The following ARAP3 variants were observed in gnomAD, a reference collection of about 807,000 sequenced individuals.
ARAP3 encodes the protein ArfGAP with RhoGAP domain, ankyrin repeat and PH domain 3, also known as arf-GAP with Rho-GAP domain, ANK repeat and PH domain-containing protein 3.
A neutral mutation model predicts 169.2 loss-of-function variants in ARAP3; 82 were observed. The ratio of observed to expected loss-of-function variants is 0.48; its 90% CI spans 0.41 to 0.58. The LOEUF (loss-of-function observed/expected upper bound fraction) is 0.58. Among genes scored for constraint, ARAP3 ranks in the 20% least tolerant of loss-of-function variants. The probability of loss-of-function intolerance (pLI) is 0.00; values close to 1 mark genes in which losing one functional copy is unlikely to be tolerated. For synonymous variants in ARAP3, 791 were observed against 800.3 expected, an observed-to-expected ratio of 0.99 and a Z score of 0.20; for missense variants, 1,764 against 2,018.0, an observed-to-expected ratio of 0.87 and a Z score of 2.41.
chr5:141,663,979 T>A (rs2099910318), intron 19 of ARAP3, among the ~76,000 whole-genome samples: 2 of 152,250 alleles, frequency 1.3e-5, no homozygotes, highest in South Asian at 4.1e-4. Context: ...TTATAAATGA[T>A]CTAGGGATCT....
Position 141,672,748 on chromosome 5 carries a change from C to T in ARAP3, c.1271G>A (p.Ser424Asn). 6.2e-7 allele frequency: 1 copy of T among 1,614,060 alleles called. No homozygotes were observed. The highest frequency in any genetic ancestry group is 8.5e-7 in the Non-Finnish European group (1 of 1,179,978). The change falls in exon 8 of 33, where the codon AGT (serine) becomes AAT (asparagine). Residue 424 changes from serine (S) to asparagine (N), a missense_variant. Ser to Asn is a conservative substitution (Grantham distance 46). Transcript: ENST00000239440. The surrounding 1 kb of genome is among the most constrained non-coding windows in gnomAD (Gnocchi z 4.9). The stretch of plus-strand genomic sequence containing the variant: ...TGGCCCGGCTCTCCTCACCTGCTCA[C>T]TCTTGTACAGTGCCAGCTCTCCAGG... ...LSPGELALYK[S>N]EQAFSLGIGI...
rs1191422200 is a variant in ARAP3 at position 141,671,061 on chromosome 5, TG to T, written c.1990+203del. Among the ~76,000 whole-genome samples the T allele has an allele frequency of 6.6e-6, 1 of 152,204 alleles. No homozygotes were observed. The highest frequency in any genetic ancestry group is 1.5e-5 in the Non-Finnish European group (1 of 68,038). Reference sequence around the variant, plus strand: ...TCAGGGGTGGACCAGCACTAGCACCTGGAACACCCAGACCCTCCCCAGCCAT... The same window carrying T: ...TCAGGGGTGGACCAGCACTAGCACCTGAACACCCAGACCCTCCCCAGCCAT... On this transcript the variant is annotated intron_variant, in intron 13 of 32. Coordinates refer to ENST00000239440, the MANE Select transcript of ARAP3 (RefSeq NM_022481.6). The surrounding 1 kb of genome is among the most constrained non-coding windows in gnomAD (Gnocchi z 4.9).
chr5:141,654,571 T>G, intron 32 of ARAP3, 136 bp from the exon 33 acceptor site: 1 of 1,280,084 alleles, frequency 7.8e-7, no homozygotes, highest in South Asian at 1.5e-5. Flanking sequence ...AACAACCCTG[T>G]GCAGTGGGTT....
intron 19 of ARAP3, among the ~76,000 whole-genome samples, chr5:141,664,449 T>G (rs1319138828): frequency 1.3e-5 from 2 of 152,114 alleles, no homozygotes; most frequent in African/African-American, 2.4e-5. Context: ...CTTGCACAGC[T>G]GACCATTTAA....
Position 141,656,533 on chromosome 5 carries a change from G to T in ARAP3, c.3760C>A (p.Arg1254Ser). The change falls in exon 27 of 33, where the codon CGC becomes AGC. Residue 1254 changes from arginine to serine, a missense_variant. Coordinates refer to ENST00000239440, the MANE Select transcript of ARAP3 (RefSeq NM_022481.6). Reference protein sequence around the residue: ...FQERFFLLRGRCLLLLKEKKS... With the variant: ...FQERFFLLRGSCLLLLKEKKS... ...TTCTCCTTGAGCAGCAGCAGGCAGC[G>T]GCCACGCAGCAGAAAGAACCTCTCC... The T allele has an allele frequency of 6.2e-7, 1 of 1,612,432 alleles. No individual in the cohort carries two copies. Among genetic ancestry groups the T allele is most frequent in the Non-Finnish European group, 8.5e-7 (1 of 1,179,278 alleles).
chr5:141,655,463 A>G, intron 31 of ARAP3, 63 bp from the exon 32 acceptor site: 1 of 1,580,920 alleles, frequency 6.3e-7, no homozygotes, highest in Non-Finnish European at 8.6e-7. Context: ...GAGGACTAGC[A>G]ACAGGAGACA....
intron 17 of ARAP3, among the ~76,000 whole-genome samples, chr5:141,665,732 T>C (rs1490282739): frequency 6.6e-6 from 1 of 152,010 alleles, no homozygotes; most frequent in African/African-American, 2.4e-5. Context: ...TGATTCCAAA[T>C]AATAATAATA....
Position 141,655,646 on chromosome 5 carries a change from G to A in ARAP3, c.4085C>T (p.Thr1362Ile), listed in dbSNP as rs141039995. 1.9e-5 allele frequency: 30 copies of A among 1,614,110 alleles called. No homozygotes were observed. In the African/African-American group the frequency reaches 2.3e-4, roughly 12 times the overall value. Residue 1362 changes from threonine (T) to isoleucine (I), a missense_variant, in exon 31 of 33, where the codon ACC (threonine) becomes ATC (isoleucine). Transcript: ENST00000239440. ...CAGGGTCTGATTGGCAGAGAGGAGG[G>A]TGGCTCCACTGTCATCCCCACGGAT... ...LPIRGDDSGA[T>I]LLSANQTLRR... is the part of the protein sequence containing the mutation.
chr5:141,658,047 A>G (rs529605280), intron 25 of ARAP3, among the ~76,000 whole-genome samples: 1 of 152,236 alleles, frequency 6.6e-6, no homozygotes, highest in East Asian at 1.9e-4. Context: ...AGAAATGTAG[A>G]TAGATGAGAG....
intron 4 of ARAP3, among the ~76,000 whole-genome samples, chr5:141,679,289 A>T (rs1236939125): frequency 6.6e-6 from 1 of 152,196 alleles, no homozygotes; most frequent in African/African-American, 2.4e-5. Context: ...ACTCCGTCTC[A>T]AAAAGAAAGA....
intron 4 of ARAP3, among the ~76,000 whole-genome samples, chr5:141,674,278 T>A (rs1479677459): frequency 2.1e-5 from 3 of 144,216 alleles, no homozygotes; most frequent in Non-Finnish European, 4.6e-5. Context: ...TGAGACAGGG[T>A]CTCTCTCTCT....
rs530371999 is a variant in ARAP3 at position 141,677,750 on chromosome 5, T to C, written c.698+1795A>G. On this transcript the variant is annotated intron_variant, in intron 4 of 32. Coordinates refer to ENST00000239440, the MANE Select transcript of ARAP3 (RefSeq NM_022481.6). ...TTATCTGGCCCCTTGTTTTTGTTTT[T>C]TTGGTTTTGTTTTGTTTTTTGTTTT... Among the ~76,000 whole-genome samples the C allele has an allele frequency of 7.8e-4, 119 of 152,206 alleles. 1 individual carries two copies. In the East Asian group the frequency reaches 0.019, roughly 24 times the overall value.
At position 141,669,943 on chromosome 5, in the gene ARAP3, G is replaced by C. The variant is rs1205280830; in HGVS notation, c.2228C>G (p.Pro743Arg). The C allele has an allele frequency of 3.7e-6, 6 of 1,600,720 alleles. No individual in the cohort carries two copies. The highest frequency in any genetic ancestry group is 1.1e-5 in the South Asian group (1 of 90,478). The change falls in exon 15 of 33, where the codon CCA becomes CGA. Residue 743 changes from proline to arginine, a missense_variant. Pro to Arg is a moderately radical substitution (Grantham distance 103). Around this residue, in one of 3 missense-constraint regions of ARAP3, gnomAD observed 1,112 missense variants for 1,285.7 expected, o/e 0.86. Coordinates refer to ENST00000239440, the MANE Select transcript of ARAP3 (RefSeq NM_022481.6). The stretch of plus-strand genomic sequence containing the variant: ...TTACCTGTCACCTGGGTCAGTGGGT[G>C]GGGGGCTCACACCCAGACATACAAT... The part of the protein sequence containing the change: ...QDIVCLGVSP[P>R]PTDPGDRFPF...
intron 32 of ARAP3, 99 bp downstream of exon 32, chr5:141,655,263 C>A: frequency 7.6e-7 from 1 of 1,318,796 alleles, no homozygotes; most frequent in Non-Finnish European, 1.1e-6. Context: ...CACACACCCC[C>A]TGATGGCCTA....
In ARAP3 at chr5:141,679,576, T is replaced by G; in HGVS notation, c.667A>C (p.Arg223=). ...TPGAPDRRES[R]GVCQGRAEHR... is the part of the protein sequence containing the mutation. The stretch of plus-strand genomic sequence containing the variant: ...TCAGCCCTGCCCTGACAAACACCTC[T>G]GCTCTCTCTTCTGTCGGGGGCTCCT... The change falls in exon 4 of 33, where the codon AGA becomes CGA. Residue 223 remains arginine (R), a synonymous_variant. Coordinates refer to ENST00000239440, the MANE Select transcript of ARAP3 (RefSeq NM_022481.6). 1.9e-6 allele frequency: 3 copies of G among 1,614,174 alleles called. No homozygotes were observed. The highest frequency in any genetic ancestry group is 2.5e-6 in the Non-Finnish European group (3 of 1,180,012).
chr5:141,672,508 C>T lies in ARAP3; in HGVS notation c.1385+44G>A, dbSNP rs769534599. ...TAGTCCTCTGCACCCTTGTGCCTCC[C>T]GCAAAAGTCCCCCAGCCTTGCCTCC... On this transcript the variant is annotated intron_variant, in intron 9 of 32. Transcript: ENST00000239440. This position sits in a 1 kb window ranked among gnomAD's most constrained non-coding sequence, Gnocchi z 4.9. 26 of 1,604,426 alleles carry T rather than the reference C, an allele frequency of 1.6e-5. No homozygotes were observed. The highest frequency in any genetic ancestry group is 2.7e-5 in the African/African-American group (2 of 74,624).
In ARAP3 at chr5:141,680,068, G is replaced by C; in HGVS notation, c.419C>G (p.Thr140Ser). The C allele has an allele frequency of 6.2e-7, 1 of 1,614,130 alleles. No individual in the cohort carries two copies. The highest frequency in any genetic ancestry group is 1.7e-5 in the Admixed American group (1 of 60,026). Residue 140 changes from threonine to serine, a missense_variant, in exon 2 of 33, where the codon ACT becomes AGT. By Grantham distance (58) the Thr-to-Ser change is moderately conservative. This residue lies in a region of ARAP3 where 630 missense variants were observed against 678.7 expected (regional missense o/e 0.93). Transcript: ENST00000239440. ...GGCTGAAGACTGCTCAGAGGAGGAAGTGGGGAGAGGAGGAGGCCTTGGGCT... is the reference window on the plus strand; with the variant it reads ...GGCTGAAGACTGCTCAGAGGAGGAACTGGGGAGAGGAGGAGGCCTTGGGCT... ...EPSPRPPPLP[T>S]SSSEQSSALN... is the part of the protein sequence containing the mutation.
At chr5:141,656,340 C>A in intron 27 of ARAP3, 64 bp from the exon 28 acceptor site, 2 of 1,606,990 alleles carry the variant, frequency 1.2e-6, no homozygotes, top group South Asian at 1.1e-5. Context: ...GAGGTCAAGA[C>A]GTCATGGAAG....
chr5:141,681,557 C>T (rs572928031), intron 1 of ARAP3, among the ~76,000 whole-genome samples: 1 of 152,236 alleles, frequency 6.6e-6, no homozygotes, highest in East Asian at 1.9e-4. Context: ...TGTCCCTGCC[C>T]CATTCCATCT....
Sources: gnomAD v4.1 joint callset for allele counts (sites outside exome capture counted in the v4.1 genomes callset) on GRCh38, gnomAD v4.1.1 for gene constraint, gnomAD v4.1.1 regional missense constraint, Gnocchi (gnomAD v3.1) non-coding constraint, MANE v1.5 for transcripts, NCBI Gene and HGNC (gene_info 2026-07-23, HGNC 2026-07-21) for gene names.